Variants in CPQ observed in about 807,000 individuals in gnomAD.
The protein encoded by CPQ is carboxypeptidase Q, also known as Ser-Met dipeptidase.
In CPQ, 37 loss-of-function variants were observed where a neutral mutation model predicts 45.7. The observed-to-expected ratio is 0.81, with a 90% CI of 0.62 to 1.07. The LOEUF is 1.07. Among genes scored for constraint, CPQ ranks in the 50% least tolerant of loss-of-function variants. The pLI is 0.00. For missense variants in CPQ, 537 were observed against 572.9 expected (o/e 0.94, Z 0.64); for synonymous variants, 186 against 205.8 (o/e 0.90, Z 0.82).
chr8:97,107,551 T>C (rs1247805305), intron 7 of CPQ, among the ~76,000 whole-genome samples: 1 of 151,346 alleles, frequency 6.6e-6, no homozygotes, highest in Non-Finnish European at 1.5e-5. Context: ...AGAAGAGGAC[T>C]ATGAACACCC....
rs979419992 is a variant in CPQ, at chr8:96,654,134, C to G, written c.-35+8732C>G. Among the ~76,000 whole-genome samples the G allele has an allele frequency of 1.4e-4, 21 of 152,202 alleles. No individual in the cohort carries two copies. The East Asian group carries it at 1.5e-3, about 11-fold the overall frequency. On this transcript the variant is annotated intron_variant, in intron 1 of 7. Transcript: ENST00000220763. ...TTTGGTACTTTTATATCCTCCTCAT[C>G]ATCATAAGGCACTGGTTCAGAAGCA...
chr8:97,044,946 A>G (rs1463772692), intron 6 of CPQ, among the ~76,000 whole-genome samples: 3 of 152,190 alleles, frequency 2.0e-5, no homozygotes, highest in African/African-American at 7.2e-5. Context: ...TCAGGGACCC[A>G]CTTGAGGAGG....
At chr8:96,762,141 A>T (rs960881595) in intron 1 of CPQ, among the ~76,000 whole-genome samples, 6 of 106,744 alleles carry the variant, frequency 5.6e-5, no homozygotes, top group African/African-American at 1.6e-4. Flanking sequence ...TTAGTTTCCT[A>T]GGGAAATAAA....
At chr8:96,895,510 G>A (rs1490567936) in intron 4 of CPQ, among the ~76,000 whole-genome samples, 1 of 152,146 alleles carries the variant, frequency 6.6e-6, no homozygotes, top group Non-Finnish European at 1.5e-5. Context: ...GATTATACAT[G>A]AATCTTTCAG....
chr8:97,043,554 G>C (rs180678769), intron 6 of CPQ, among the ~76,000 whole-genome samples: 1 of 152,094 alleles, frequency 6.6e-6, no homozygotes, highest in Non-Finnish European at 1.5e-5. Flanking sequence ...TATTTTGATC[G>C]TTAGTTGATG....
chr8:96,758,648 C>A (rs568936998), intron 1 of CPQ, among the ~76,000 whole-genome samples: 49 of 152,294 alleles, frequency 3.2e-4, no homozygotes, highest in Middle Eastern at 3.4e-3. Context: ...AGAAGTCCAA[C>A]CATTAGTCTG....
chr8:96,665,812 C>T (rs2130716069), intron 1 of CPQ, among the ~76,000 whole-genome samples: 1 of 152,252 alleles, frequency 6.6e-6, no homozygotes, highest in South Asian at 2.1e-4. Flanking sequence ...TGGGTACCTC[C>T]AGGTTCACAT....
At chr8:96,879,224 T>C (rs1812188087) in intron 3 of CPQ, among the ~76,000 whole-genome samples, 1 of 152,210 alleles carries the variant, frequency 6.6e-6, no homozygotes, top group Non-Finnish European at 1.5e-5. Context: ...ATTAAAGGCC[T>C]GGATTTATTC....
chr8:96,967,042 C>G (rs185809819), intron 5 of CPQ, among the ~76,000 whole-genome samples: 1 of 152,312 alleles, frequency 6.6e-6, no homozygotes, highest in East Asian at 1.9e-4. Flanking sequence ...AACTGAAAAT[C>G]ACACATTCCT....
chr8:97,037,146 A>G (rs1810018449), intron 6 of CPQ, among the ~76,000 whole-genome samples: 1 of 152,222 alleles, frequency 6.6e-6, no homozygotes, highest in South Asian at 2.1e-4. Flanking sequence ...TTAGCAGTGA[A>G]GTTCTTGCCA....
At chr8:96,802,295 T>G (rs1811015850) in intron 2 of CPQ, among the ~76,000 whole-genome samples, 1 of 152,236 alleles carries the variant, frequency 6.6e-6, no homozygotes, top group Admixed American at 6.5e-5. Flanking sequence ...GTAAAAGCTT[T>G]CTTTGACAGG....
At chr8:96,794,234 C>T (rs1810894296) in intron 2 of CPQ, among the ~76,000 whole-genome samples, 1 of 152,212 alleles carries the variant, frequency 6.6e-6, no homozygotes, top group Admixed American at 6.5e-5. Context: ...TTCCATACAT[C>T]CTCTGAAATC....
chr8:96,935,529 T>TA (rs1813034267), intron 4 of CPQ, among the ~76,000 whole-genome samples: 1 of 152,018 alleles, frequency 6.6e-6, no homozygotes, highest in African/African-American at 2.4e-5. Context: ...GAGAGGGAAA[T>TA]AGATGTTAAG....
At chr8:96,985,929 G>T (rs1029240792) in intron 5 of CPQ, among the ~76,000 whole-genome samples, 1 of 152,132 alleles carries the variant, frequency 6.6e-6, no homozygotes, top group African/African-American at 2.4e-5. Flanking sequence ...CACCCATAAA[G>T]ATATAATTTT....
At chr8:97,047,608 A>G (rs1810281359) in intron 6 of CPQ, among the ~76,000 whole-genome samples, 1 of 152,202 alleles carries the variant, frequency 6.6e-6, no homozygotes, top group African/African-American at 2.4e-5. Flanking sequence ...TTGTTCACGA[A>G]GTTAATTCTA....
intron 1 of CPQ, among the ~76,000 whole-genome samples, chr8:96,735,634 G>A (rs570373943): frequency 6.6e-6 from 1 of 152,276 alleles, no homozygotes; most frequent in South Asian, 2.1e-4. Context: ...TGGTTATTGG[G>A]TGTTTCTTTG....
At chr8:97,015,847 A>C (rs1267866679) in intron 5 of CPQ, among the ~76,000 whole-genome samples, 1 of 152,164 alleles carries the variant, frequency 6.6e-6, no homozygotes, top group African/African-American at 2.4e-5. Context: ...AATAAGGACC[A>C]TATGTGCCCT....
At chr8:97,111,384 G>A (rs1013075684) in intron 7 of CPQ, among the ~76,000 whole-genome samples, 2 of 152,030 alleles carry the variant, frequency 1.3e-5, no homozygotes, top group African/African-American at 2.4e-5. Context: ...ATGAGATGAC[G>A]GCCTCCCTCA....
intron 3 of CPQ, 123 bp downstream of exon 3, chr8:96,835,303 C>A (rs1005558431): frequency 1.0e-5 from 7 of 688,626 alleles, no homozygotes; most frequent in East Asian, 3.3e-5. Context: ...AGTTTCCCCC[C>A]CAAACACACA....
Sources: gnomAD v4.1 joint callset for allele counts (sites outside exome capture counted in the v4.1 genomes callset) on GRCh38, gnomAD v4.1.1 for gene constraint, MANE v1.5 for transcripts, NCBI Gene and HGNC (gene_info 2026-07-23, HGNC 2026-07-21) for gene names.